RMND5A: variants seen among roughly 807,000 people sequenced by gnomAD.
The protein encoded by RMND5A is E3 ubiquitin-protein transferase RMND5A.
RMND5A carries 17 observed loss-of-function variants against 49.7 expected under a neutral mutation model. The ratio of observed to expected loss-of-function variants is 0.34; its 90% confidence interval spans 0.23 to 0.51. The LOEUF (loss-of-function observed/expected upper bound fraction) is 0.51, where lower values mean the gene tolerates loss of function less well. Ranked by LOEUF, RMND5A falls within the 20% of genes least tolerant of loss-of-function variation. The pLI is 0.96. For synonymous variants in RMND5A, 156 were observed against 167.7 expected (o/e 0.93, Z 0.54); for missense variants, 255 against 471.3 (o/e 0.54, Z 4.25).
In RMND5A at chr2:86,753,445, T is replaced by A; in HGVS notation, c.421-13T>A. 6.5e-7 allele frequency: 1 copy of A among 1,536,002 alleles called. No homozygotes were observed. The highest frequency in any genetic ancestry group is 9.0e-7 in the Non-Finnish European group (1 of 1,114,484). ...ACTGCTAACAAAAGTTCTTTCTTTC[T>A]TTCTTTTTCCAGGAATCTGGTCTTT... On this transcript the variant is annotated splice_polypyrimidine_tract_variant and intron_variant, in intron 3 of 8. Transcript: ENST00000283632.
At chr2:86,744,590 T>A (rs986571747) in intron 2 of RMND5A, among the ~76,000 whole-genome samples, 3 of 152,222 alleles carry the variant, frequency 2.0e-5, no homozygotes, top group African/African-American at 7.2e-5. Flanking sequence ...TCCTTTTATA[T>A]TTTAATACTT....
At chr2:86,748,015 G>A (rs1015641291) in intron 2 of RMND5A, among the ~76,000 whole-genome samples, 2 of 152,182 alleles carry the variant, frequency 1.3e-5, no homozygotes, top group African/African-American at 2.4e-5. Flanking sequence ...AGAACAGGAT[G>A]CCAAAGCTTT....
intron 4 of RMND5A, among the ~76,000 whole-genome samples, chr2:86,757,174 CAAAAAAAAAAAAAAAAAAA>C (rs60710494): frequency 3.1e-5 from 3 of 97,952 alleles, no homozygotes; most frequent in Admixed American, 2.2e-4. Flanking sequence ...AACTCAGTCT[CAAAAAAAAAAAAAAAAAAA>C]AAAAAAAAAA....
At chr2:86,757,696 A>G (rs1021830876) in intron 4 of RMND5A, among the ~76,000 whole-genome samples, 5 of 152,368 alleles carry the variant, frequency 3.3e-5, no homozygotes, top group Non-Finnish European at 5.9e-5. Context: ...AACGTGTCTC[A>G]AAGAGTAATA....
At position 86,766,874 on chromosome 2, in the gene RMND5A, T is replaced by G. The variant is rs1672606428; in HGVS notation, c.854+850T>G. 2.0e-5 allele frequency among the ~76,000 whole-genome samples: 3 copies of G among 152,200 alleles called. No homozygotes were observed. In the South Asian group the frequency reaches 6.2e-4, roughly 32 times the overall value. ...GTTCTTGGTGAAACATTAAAATTAT[T>G]AGTTTTATTAAATCTTGACCTTTCA... On this transcript the variant is annotated intron_variant, in intron 6 of 8. Transcript: ENST00000283632.
At chr2:86,762,700 C>CATATATATCATATATATCAT (rs1553427780) in intron 4 of RMND5A, among the ~76,000 whole-genome samples, 238 of 5,492 alleles carry the variant, frequency 0.043, 3 homozygotes, top group African/African-American at 0.14. Flanking sequence ...TCATATATAT[C>CATATATATCATATATATCAT]ATATATATCA....
At chr2:86,770,797 G>T (rs1345548758) in intron 7 of RMND5A, among the ~76,000 whole-genome samples, 1 of 152,188 alleles carries the variant, frequency 6.6e-6, no homozygotes, top group African/African-American at 2.4e-5. Context: ...CACTCAAATT[G>T]TGGCTGCCAT....
Position 86,752,105 on chromosome 2 carries a change from G to T in RMND5A, c.420+75G>T, listed in dbSNP as rs1231162059. The stretch of plus-strand genomic sequence containing the variant: ...TTGGAGTTTATAGTATTTGCAGGGT[G>T]GGGTTTTGAGTCTTCCTCTAGCTAT... On this transcript the variant is annotated intron_variant, in intron 3 of 8. Coordinates refer to ENST00000283632, the MANE Select transcript of RMND5A (RefSeq NM_022780.4). The T allele has an allele frequency of 3.6e-6, 5 of 1,400,356 alleles. No homozygotes were observed. The South Asian group carries it at 6.7e-5, about 19-fold the overall frequency. The allele number at this position is 1,400,356 out of a possible 1,614,324, so 86.7% of individuals were successfully genotyped here.
At chr2:86,764,664 A>G (rs956247480) in intron 4 of RMND5A, among the ~76,000 whole-genome samples, 1 of 152,194 alleles carries the variant, frequency 6.6e-6, no homozygotes, top group Non-Finnish European at 1.5e-5. Flanking sequence ...ATGCTTGTAT[A>G]TATTAGGCCA....
intron 4 of RMND5A, among the ~76,000 whole-genome samples, chr2:86,762,682 T>C (rs1278728236): frequency 1.5e-5 from 2 of 131,694 alleles, no homozygotes; most frequent in African/African-American, 6.0e-5. Flanking sequence ...ATATATATCA[T>C]ATATATATCA....
Position 86,777,144 on chromosome 2 carries a change from A to G in RMND5A, c.*3733A>G, listed in dbSNP as rs1401879675. Reference sequence around the variant, plus strand: ...AGAGAAACAAAATTTTGTTTTCAAGACATTTCCACTGCAGTTTCAAGCTGT... The same window carrying G: ...AGAGAAACAAAATTTTGTTTTCAAGGCATTTCCACTGCAGTTTCAAGCTGT... On this transcript the variant is annotated 3_prime_UTR_variant, in exon 9 of 9. Transcript: ENST00000283632. 6.6e-6 allele frequency: 1 copy of G among 152,204 alleles called. No homozygotes were observed. Among genetic ancestry groups the G allele is most frequent in the African/African-American group, 2.4e-5 (1 of 41,448 alleles). The allele number at this position is 152,204 out of a possible 1,614,324, so 9.4% of individuals were successfully genotyped here. A position where few individuals can be genotyped will look rare whatever the true frequency, so the allele number is the denominator to read the frequency against.
intron 4 of RMND5A, among the ~76,000 whole-genome samples, chr2:86,760,509 C>A (rs965283994): frequency 2.0e-5 from 3 of 152,228 alleles, no homozygotes; most frequent in African/African-American, 7.2e-5. Flanking sequence ...ATACAGACTT[C>A]TCTGCCAGCT....
chr2:86,732,154 TA>T (rs1441875503), intron 1 of RMND5A, among the ~76,000 whole-genome samples: 1 of 108,650 alleles, frequency 9.2e-6, no homozygotes, highest in Non-Finnish European at 1.7e-5. Context: ...TTTCATGGTG[TA>T]ATTGACACCT....
At chr2:86,760,762 GA>G (rs56244814) in intron 4 of RMND5A, among the ~76,000 whole-genome samples, 106,902 of 152,078 alleles carry the variant, frequency 0.7, 37,748 homozygotes, top group East Asian at 0.91. Flanking sequence ...AGAAAGATTT[GA>G]AAAAGGACAA....
In RMND5A at chr2:86,720,712, G is replaced by A. The variant is rs150204526; in HGVS notation, c.45G>A (p.Leu15=). The part of the protein sequence containing the change: ...VTVERELEKV[L]HKFSGYGQLC... ...TGGAGCGCGAGCTGGAGAAGGTGCT[G>A]CACAAGTTCTCAGGCTACGGGCAGC... is the stretch of plus-strand genomic sequence containing the variant. The change falls in exon 1 of 9, where the codon CTG becomes CTA. Residue 15 remains leucine (L), a synonymous_variant. Coordinates refer to ENST00000283632, the MANE Select transcript of RMND5A (RefSeq NM_022780.4). 15 of 1,582,664 alleles carry A rather than the reference G, an allele frequency of 9.5e-6. No homozygotes were observed. The highest frequency in any genetic ancestry group is 1.3e-5 in the Non-Finnish European group (15 of 1,166,058).
intron 1 of RMND5A, among the ~76,000 whole-genome samples, chr2:86,728,439 T>A (rs1444776702): frequency 1.3e-5 from 1 of 75,478 alleles, no homozygotes; most frequent in African/African-American, 5.0e-5. Context: ...CCCAAGTAGC[T>A]GGGATTACAG....
chr2:86,752,276 C>T (rs968530691), intron 3 of RMND5A, among the ~76,000 whole-genome samples: 1 of 152,110 alleles, frequency 6.6e-6, no homozygotes, highest in Non-Finnish European at 1.5e-5. Flanking sequence ...AAGGTTAGTC[C>T]CAGTTCATGA....
At chr2:86,745,670 T>G (rs1241598315) in intron 2 of RMND5A, among the ~76,000 whole-genome samples, 1 of 152,184 alleles carries the variant, frequency 6.6e-6, no homozygotes, top group Non-Finnish European at 1.5e-5. Context: ...ACAGACTAAA[T>G]AGTAGTCATA....
chr2:86,762,695 TA>T (rs1672521354), intron 4 of RMND5A, among the ~76,000 whole-genome samples: 1 of 5,374 alleles, frequency 1.9e-4, no homozygotes, highest in Non-Finnish European at 4.5e-4. Flanking sequence ...ATATATCATA[TA>T]TATCATATAT....
Sources: allele counts gnomAD v4.1 joint callset (sites outside exome capture counted in the v4.1 genomes callset), GRCh38; gene constraint gnomAD v4.1.1; transcripts MANE v1.5; gene names NCBI Gene and HGNC (gene_info 2026-07-23, HGNC 2026-07-21).